Variants in DNAH11 observed in about 807,000 individuals in gnomAD.
DNAH11 encodes axonemal beta dynein heavy chain 11.
Under a neutral mutation model 526.0 loss-of-function variants are expected in DNAH11, and 442 were observed. The observed-to-expected ratio is 0.84, with a 90% CI of 0.78 to 0.91. The LOEUF (loss-of-function observed/expected upper bound fraction) is 0.91, where lower values mean the gene tolerates loss of function less well. Among genes scored for constraint, DNAH11 ranks in the 40% least tolerant of loss-of-function variants. The probability of loss-of-function intolerance (pLI) is 0.00; values close to 1 mark genes in which losing one functional copy is unlikely to be tolerated. For missense variants in DNAH11, 6,989 were observed against 5,448.7 expected (o/e 1.28, Z -8.90); for synonymous variants, 2,461 against 1,935.9 (o/e 1.27, Z -7.12).
Position 21,639,152 on chromosome 7 carries a change from A to G in DNAH11, c.4944+87A>G, listed in dbSNP as rs899110916. 12 of 1,437,578 alleles carry G rather than the reference A, an allele frequency of 8.3e-6. No homozygotes were observed. In the Admixed American group the frequency reaches 1.6e-4, roughly 19 times the overall value. 89.1% of individuals were successfully genotyped at this position (1,437,578 alleles called of 1,614,324 possible). ...CTATCATTGTCAAATGCTACCTGTC[A>G]TGTCACGTGGGCCAGGAACTAGAAA... On this transcript the variant is annotated intron_variant, in intron 28 of 81. Transcript: ENST00000409508.
chr7:21,817,202 C>T (rs1789832799), intron 64 of DNAH11, among the ~76,000 whole-genome samples: 1 of 152,038 alleles, frequency 6.6e-6, no homozygotes, highest in Non-Finnish European at 1.5e-5. Flanking sequence ...GAATCTACTC[C>T]AAGAATTTCT....
At chr7:21,703,502 A>C (rs1784142783) in intron 37 of DNAH11, 1 of 152,352 alleles carries the variant, frequency 6.6e-6, no homozygotes, top group Admixed American at 6.5e-5. Context: ...TCATGGAGGA[A>C]GGCAAGGGGC....
At chr7:21,793,554 T>G (rs1788566768) in intron 61 of DNAH11, among the ~76,000 whole-genome samples, 1 of 148,702 alleles carries the variant, frequency 6.7e-6, no homozygotes, top group Non-Finnish European at 1.5e-5. Flanking sequence ...AGGTGAAGGC[T>G]GCAGGGAGCC....
At chr7:21,839,243 T>A (rs1240751755) in intron 65 of DNAH11, among the ~76,000 whole-genome samples, 1 of 152,124 alleles carries the variant, frequency 6.6e-6, no homozygotes, top group Non-Finnish European at 1.5e-5. Flanking sequence ...AATACATATT[T>A]ATTGGCTGAA....
chr7:21,840,983 A>G (rs1435943422), intron 65 of DNAH11, among the ~76,000 whole-genome samples: 1 of 152,166 alleles, frequency 6.6e-6, no homozygotes, highest in African/African-American at 2.4e-5. Context: ...GTAGTTGGAG[A>G]CCAGCCTGAC....
intron 54 of DNAH11, among the ~76,000 whole-genome samples, chr7:21,757,825 A>C (rs1786706354): frequency 1.3e-5 from 2 of 152,216 alleles, no homozygotes; most frequent in Admixed American, 1.3e-4. Context: ...CATAAGCCAA[A>C]AAACTTAGTG....
chr7:21,673,114 A>G (rs903010127), intron 30 of DNAH11, among the ~76,000 whole-genome samples: 1 of 152,190 alleles, frequency 6.6e-6, no homozygotes, highest in African/African-American at 2.4e-5. Flanking sequence ...TATATAAATA[A>G]GAGAATTCAT....
At chr7:21,764,269 A>G (rs925535746) in intron 54 of DNAH11, among the ~76,000 whole-genome samples, 1 of 110,258 alleles carries the variant, frequency 9.1e-6, no homozygotes, top group Non-Finnish European at 2.2e-5. Context: ...AAAATAAACA[A>G]TAAAACACTT....
At chr7:21,691,364 C>A (rs919045718) in intron 35 of DNAH11, among the ~76,000 whole-genome samples, 47 of 151,566 alleles carry the variant, frequency 3.1e-4, no homozygotes, top group Admixed American at 8.5e-4. Flanking sequence ...GTGGGGGGAG[C>A]AGGAGGGCAT....
chr7:21,873,239 C>G, intron 73 of DNAH11, 35 bp from the exon 74 acceptor site: 3 of 1,486,132 alleles, frequency 2.0e-6, no homozygotes, highest in Non-Finnish European at 2.8e-6. Context: ...ATATGCCTCA[C>G]CTTCACAGGA....
At chr7:21,700,066 A>C (rs150367621) in intron 36 of DNAH11, among the ~76,000 whole-genome samples, 2,467 of 152,314 alleles carry the variant, frequency 0.016, 59 homozygotes, top group Non-Finnish European at 0.018. Context: ...AGAAGTTTAC[A>C]AATTTGATTT....
chr7:21,787,043 G>A (rs1357529749), intron 59 of DNAH11, among the ~76,000 whole-genome samples: 1 of 152,232 alleles, frequency 6.6e-6, no homozygotes, highest in Admixed American at 6.5e-5. Context: ...GTAGGAGGGA[G>A]AAAATGACAT....
intron 25 of DNAH11, among the ~76,000 whole-genome samples, chr7:21,635,373 G>A (rs1198525843): frequency 6.6e-6 from 1 of 152,138 alleles, no homozygotes; most frequent in African/African-American, 2.4e-5. Context: ...AGCCAGGTTG[G>A]TCTCAATCTC....
chr7:21,724,949 C>G (rs1393386136), intron 44 of DNAH11, among the ~76,000 whole-genome samples: 1 of 152,110 alleles, frequency 6.6e-6, no homozygotes, highest in Non-Finnish European at 1.5e-5. Flanking sequence ...ATGGGCATCA[C>G]TGGGACAGGT....
intron 63 of DNAH11, among the ~76,000 whole-genome samples, chr7:21,813,506 T>G (rs1789624233): frequency 6.6e-6 from 1 of 152,220 alleles, no homozygotes; most frequent in Non-Finnish European, 1.5e-5. Flanking sequence ...GTTACGTTAC[T>G]GTAACATTAG....
At chr7:21,805,685 C>A (rs1789234170) in intron 62 of DNAH11, among the ~76,000 whole-genome samples, 2 of 152,122 alleles carry the variant, frequency 1.3e-5, no homozygotes, top group Non-Finnish European at 2.9e-5. Context: ...GAAAAGTAGG[C>A]CCTACCATGT....
Position 21,735,798 on chromosome 7 carries a change from A to ATT in DNAH11, c.7600_7601insTT (p.Ser2534PhefsTer23). The ATT allele has an allele frequency of 1.9e-6, 3 of 1,613,954 alleles. No homozygotes were observed. Among genetic ancestry groups the ATT allele is most frequent in the Non-Finnish European group, 1.7e-6 (2 of 1,179,848 alleles). ...CAAGTCTCTCTGAGGATTACATAGT[A>ATT]TCCCGTGTGCCTTTCAACTACTACA... is the stretch of plus-strand genomic sequence containing the variant. On this transcript the variant is annotated frameshift_variant, in exon 46 of 82. Coordinates refer to ENST00000409508, the MANE Select transcript of DNAH11 (RefSeq NM_001277115.2). LOFTEE classifies it high-confidence loss of function.
At position 21,617,775 on chromosome 7, in the gene DNAH11, G is replaced by A. The variant is rs1785849529; in HGVS notation, c.4252G>A (p.Gly1418Arg). 1 of 1,596,152 alleles carries A rather than the reference G, an allele frequency of 6.3e-7. No individual in the cohort carries two copies. Among genetic ancestry groups the A allele is most frequent in the Admixed American group, 1.8e-5 (1 of 55,992 alleles). ...RHWHQLMKAIGVKFLINEATT... is the reference protein window; with the variant it reads ...RHWHQLMKAIRVKFLINEATT... ...TTGGCACCAGCTGATGAAAGCTATT[G>A]GGGTCAGTATCCTTGGTCTCACTAA... The change falls in exon 23 of 82, where the codon GGG becomes AGG. Residue 1418 changes from glycine to arginine, a missense_variant and splice_region_variant. Physicochemically the swap from Gly to Arg is moderately radical, Grantham distance 125 (BLOSUM62 -2). Transcript: ENST00000409508.
At chr7:21,570,003 G>C (rs1783822345) in intron 6 of DNAH11, 66 bp from the exon 7 acceptor site, 1 of 1,269,760 alleles carries the variant, frequency 7.9e-7, no homozygotes, top group Non-Finnish European at 1.1e-6. Flanking sequence ...CTTTGAAACA[G>C]AGACGGTTAC....
Sources: allele counts gnomAD v4.1 joint callset (sites outside exome capture counted in the v4.1 genomes callset), GRCh38; gene constraint gnomAD v4.1.1; transcripts MANE v1.5; gene names NCBI Gene and HGNC (gene_info 2026-07-23, HGNC 2026-07-21).